Variants in GLDC observed in about 807,000 individuals in gnomAD.
GLDC encodes glycine dehydrogenase (decarboxylating), mitochondrial.
In GLDC, 104 loss-of-function variants were observed where a neutral mutation model predicts 121.3. That is an observed-to-expected ratio of 0.86 (90% CI 0.73 to 1.01). The LOEUF is 1.01. GLDC is among the 50% of genes least tolerant of loss of function. GLDC has a pLI of 0.00. For missense variants in GLDC, 1,429 were observed against 1,306.6 expected, an observed-to-expected ratio of 1.09 and a Z score of -1.44; for synonymous variants, 546 against 480.6, an observed-to-expected ratio of 1.14 and a Z score of -1.78.
At chr9:6,627,669 T>A (rs1819273906) in intron 2 of GLDC, among the ~76,000 whole-genome samples, 2 of 152,166 alleles carry the variant, frequency 1.3e-5, no homozygotes, top group African/African-American at 4.8e-5. Context: ...ACTCATCCAT[T>A]GCCCAACACT....
intron 4 of GLDC, among the ~76,000 whole-genome samples, chr9:6,607,986 G>T (rs1021673314): frequency 2.0e-5 from 3 of 152,168 alleles, no homozygotes; most frequent in Non-Finnish European, 4.4e-5. Context: ...AGCTGGGCAT[G>T]GTGGCATGGG....
At chr9:6,544,232 A>T (rs955506993) in intron 21 of GLDC, among the ~76,000 whole-genome samples, 1 of 152,100 alleles carries the variant, frequency 6.6e-6, no homozygotes, top group Non-Finnish European at 1.5e-5. Flanking sequence ...AGCGAGAATG[A>T]GGTTTCCCCG....
At chr9:6,627,710 A>G (rs1413018101) in intron 2 of GLDC, among the ~76,000 whole-genome samples, 2 of 152,222 alleles carry the variant, frequency 1.3e-5, no homozygotes, top group Non-Finnish European at 2.9e-5. Flanking sequence ...CTTCCCAGCT[A>G]GAAGCCAAGA....
intron 23 of GLDC, among the ~76,000 whole-genome samples, chr9:6,535,326 A>T (rs564476777): frequency 6.6e-6 from 1 of 151,722 alleles, no homozygotes; most frequent in Non-Finnish European, 1.5e-5. Flanking sequence ...GAGAGAAAAG[A>T]GTAATAAACG....
At chr9:6,539,331 T>C (rs957219546) in intron 22 of GLDC, among the ~76,000 whole-genome samples, 2 of 151,908 alleles carry the variant, frequency 1.3e-5, no homozygotes, top group Non-Finnish European at 2.9e-5. Context: ...TATAAAAAAA[T>C]AGCTGGGTAT....
intron 4 of GLDC, among the ~76,000 whole-genome samples, chr9:6,609,370 C>T (rs1818803262): frequency 1.3e-5 from 2 of 152,174 alleles, no homozygotes; most frequent in African/African-American, 4.8e-5. Flanking sequence ...AATTATGGCA[C>T]TTCCATGTAA....
rs1370996204 is a variant in GLDC, at chr9:6,533,079, T to C, written c.3001A>G (p.Thr1001Ala). ...TCATAAACTTCCATGGGTGGGCAGG[T>C]ACAAACCAGGTGCTGATCTCCATAT... ...DIYGDQHLVC[T>A]CPPMEVYESP... Residue 1001 changes from threonine to alanine, a missense_variant, in exon 25 of 25, where the codon ACC becomes GCC. Physicochemically the swap from Thr to Ala is moderately conservative, Grantham distance 58. Transcript: ENST00000321612. The C allele has an allele frequency of 6.2e-7, 1 of 1,611,968 alleles. No individual in the cohort carries two copies. The highest frequency in any genetic ancestry group is 8.5e-7 in the Non-Finnish European group (1 of 1,178,018).
chr9:6,536,293 G>C, intron 22 of GLDC, 57 bp from the exon 23 acceptor site: 1 of 1,454,354 alleles, frequency 6.9e-7, no homozygotes, highest in Non-Finnish European at 9.6e-7. Context: ...TACCCAGTTT[G>C]GAAGAAAAGT....
chr9:6,545,163 G>C (rs574424546), intron 21 of GLDC, among the ~76,000 whole-genome samples: 2 of 152,084 alleles, frequency 1.3e-5, no homozygotes, highest in South Asian at 4.2e-4. Flanking sequence ...CCTCATTCTA[G>C]CAGAATACAG....
At chr9:6,600,668 A>T (rs527778842) in intron 8 of GLDC, among the ~76,000 whole-genome samples, 2 of 151,538 alleles carry the variant, frequency 1.3e-5, no homozygotes, top group Admixed American at 6.6e-5. Context: ...ACAGGACTCT[A>T]TCTCAAAGAA....
chr9:6,610,187 C>G lies in GLDC; in HGVS notation c.635+5G>C. 2 of 1,606,932 alleles carry G rather than the reference C, an allele frequency of 1.2e-6. No individual in the cohort carries two copies. The highest frequency in any genetic ancestry group is 8.5e-7 in the Non-Finnish European group (1 of 1,176,384). On this transcript the variant is annotated splice_donor_5th_base_variant and intron_variant, in intron 4 of 24. Transcript: ENST00000321612. ...GGAATTCCAGCACTTTGAGAGGCCTCTCACCTGTAGCACAGCTGCAGTGCC... is the reference window on the plus strand; with the variant it reads ...GGAATTCCAGCACTTTGAGAGGCCTGTCACCTGTAGCACAGCTGCAGTGCC...
Position 6,532,821 on chromosome 9 carries a change from G to A in GLDC, c.*196C>T. The stretch of plus-strand genomic sequence containing the variant: ...GCACATGTGGAAGCAGAATACCAAA[G>A]CAAATCCGTCTTCCAACCATCAGCT... On this transcript the variant is annotated 3_prime_UTR_variant, in exon 25 of 25. Transcript: ENST00000321612. The A allele has an allele frequency of 1.7e-6, 1 of 599,144 alleles. No individual in the cohort carries two copies. Among genetic ancestry groups the A allele is most frequent in the Non-Finnish European group, 3.0e-6 (1 of 333,346 alleles). 37.1% of individuals were successfully genotyped at this position (599,144 alleles called of 1,614,324 possible). A position where few individuals can be genotyped will look rare whatever the true frequency, so the allele number is the denominator to read the frequency against.
At chr9:6,629,929 C>CTATATATATATATATGTGTATATATATA (rs1819327146) in intron 2 of GLDC, among the ~76,000 whole-genome samples, 114 of 102,088 alleles carry the variant, frequency 1.1e-3, no homozygotes, top group South Asian at 4.7e-3. Context: ...TTGCTTTTCA[C>CTATATATATATATATGTGTATATATATA]TATATATATA....
chr9:6,565,597 G>GAACAATCAA (rs1563839853), intron 15 of GLDC, 168 bp from the exon 16 acceptor site: 6 of 696,110 alleles, frequency 8.6e-6, no homozygotes, highest in Non-Finnish European at 1.6e-5. Context: ...AAAAGGTCTT[G>GAACAATCAA]AACAATCAAA....
chr9:6,614,937 T>A (rs540884528), intron 3 of GLDC, among the ~76,000 whole-genome samples: 1 of 152,200 alleles, frequency 6.6e-6, no homozygotes, highest in South Asian at 2.1e-4. Context: ...AGTATTTGTG[T>A]TTCTAAATAC....
intron 18 of GLDC, among the ~76,000 whole-genome samples, chr9:6,555,702 G>A (rs544031279): frequency 9.2e-5 from 14 of 152,278 alleles, no homozygotes; most frequent in African/African-American, 2.9e-4. Context: ...TGAGGCAGCA[G>A]AACTGCTTGA....
rs768689997 is a variant in GLDC at position 6,589,212 on chromosome 9, G to A, written c.1563C>T (p.Thr521=). The change falls in exon 12 of 25, where the codon ACC becomes ACT. Residue 521 remains threonine (T), a synonymous_variant. Transcript: ENST00000321612. ...SVFKRTSPFL[T]HQVFNSYHSE... The stretch of plus-strand genomic sequence containing the variant: ...ACACAAACCTGTTGAACACTTGATG[G>A]GTGAGGAACGGGCTGGTCCTCTTGA... 1 of 1,598,750 alleles carries A rather than the reference G, an allele frequency of 6.3e-7. No homozygotes were observed. The highest frequency in any genetic ancestry group is 2.2e-5 in the East Asian group (1 of 44,772).
At chr9:6,592,441 A>G (rs1818393405) in intron 10 of GLDC, among the ~76,000 whole-genome samples, 8 of 152,202 alleles carry the variant, frequency 5.3e-5, no homozygotes. Flanking sequence ...CTGAACTCTA[A>G]CATTCCATGG....
At chr9:6,627,670 G>T (rs1819273949) in intron 2 of GLDC, among the ~76,000 whole-genome samples, 1 of 152,104 alleles carries the variant, frequency 6.6e-6, no homozygotes, top group Non-Finnish European at 1.5e-5. Context: ...CTCATCCATT[G>T]CCCAACACTA....
Sources: allele counts gnomAD v4.1 joint callset (sites outside exome capture counted in the v4.1 genomes callset), GRCh38; gene constraint gnomAD v4.1.1; transcripts MANE v1.5; gene names NCBI Gene and HGNC (gene_info 2026-07-23, HGNC 2026-07-21).